USH2A: variants seen among roughly 807,000 people sequenced by gnomAD.
USH2A encodes the protein Usher syndrome 2A (autosomal recessive, mild).
In USH2A, 443 loss-of-function variants were observed where a neutral mutation model predicts 538.9. The observed-to-expected ratio is 0.82, with a 90% confidence interval of 0.76 to 0.89. The LOEUF (loss-of-function observed/expected upper bound fraction) is 0.89, where lower values mean the gene tolerates loss of function less well. Among genes scored for constraint, USH2A ranks in the 40% least tolerant of loss-of-function variants. The pLI is 0.00. For missense variants in USH2A, 6,633 were observed against 6,324.8 expected (o/e 1.05, Z -1.65); for synonymous variants, 2,413 against 2,273.5 (o/e 1.06, Z -1.75).
chr1:216,251,360 A>G (rs1319433296), intron 11 of USH2A, among the ~76,000 whole-genome samples: 1 of 152,084 alleles, frequency 6.6e-6, no homozygotes, highest in Non-Finnish European at 1.5e-5. Flanking sequence ...AATGCTATAT[A>G]AAGAAATAAA....
In USH2A at chr1:216,089,089, A is replaced by G. The variant is rs762288630; in HGVS notation, c.4809T>C (p.Ser1603=). Residue 1603 remains serine, a synonymous_variant, in exon 23 of 72, where the codon AGT becomes AGC. Coordinates refer to ENST00000307340, the MANE Select transcript of USH2A (RefSeq NM_206933.4). ...TTTNDHGKQY[S]DGKWHEIIAI... is the part of the protein sequence containing the mutation. ...CAATTATTTCATGCCATTTTCCATC[A>G]CTATATTGTTTGCCATGATCATTAG... is the stretch of plus-strand genomic sequence containing the variant. 1 of 1,613,418 alleles carries G rather than the reference A, an allele frequency of 6.2e-7. No individual in the cohort carries two copies.
chr1:215,974,046 T>C (rs1294765952), intron 35 of USH2A, among the ~76,000 whole-genome samples: 2 of 151,722 alleles, frequency 1.3e-5, no homozygotes, highest in African/African-American at 4.8e-5. Context: ...GGATGAATTG[T>C]GGAACCACAC....
intron 3 of USH2A, among the ~76,000 whole-genome samples, chr1:216,415,705 T>A (rs965952514): frequency 1.3e-5 from 2 of 151,846 alleles, no homozygotes; most frequent in Admixed American, 1.3e-4. Context: ...AGGGTGTTTT[T>A]TCGTAGAGAT....
At chr1:215,730,220 C>A (rs559277268) in intron 60 of USH2A, among the ~76,000 whole-genome samples, 1 of 152,304 alleles carries the variant, frequency 6.6e-6, no homozygotes, top group South Asian at 2.1e-4. Flanking sequence ...GATGTAAAAA[C>A]ATGATGCAGG....
intron 30 of USH2A, among the ~76,000 whole-genome samples, chr1:216,060,108 C>G (rs1463575809): frequency 6.6e-6 from 1 of 152,174 alleles, no homozygotes; most frequent in Non-Finnish European, 1.5e-5. Flanking sequence ...GCAAGCCTAG[C>G]AGGTGAAAGT....
chr1:215,658,915 A>G (rs566659572), intron 64 of USH2A, among the ~76,000 whole-genome samples: 1 of 152,344 alleles, frequency 6.6e-6, no homozygotes, highest in Non-Finnish European at 1.5e-5. Flanking sequence ...TAAGATCACA[A>G]TCACCAATTG....
chr1:216,197,114 T>C (rs982694491), intron 18 of USH2A, among the ~76,000 whole-genome samples: 4 of 152,170 alleles, frequency 2.6e-5, no homozygotes, highest in African/African-American at 9.7e-5. Context: ...ATTTCCCATG[T>C]AGGGAAATAT....
At chr1:216,409,341 C>T (rs190496037) in intron 3 of USH2A, among the ~76,000 whole-genome samples, 5 of 152,176 alleles carry the variant, frequency 3.3e-5, no homozygotes, top group South Asian at 4.2e-4. Context: ...CTATTTCTAT[C>T]AAACAAACAA....
At chr1:216,263,397 G>A (rs2036413002) in intron 11 of USH2A, among the ~76,000 whole-genome samples, 1 of 151,960 alleles carries the variant, frequency 6.6e-6, no homozygotes, top group South Asian at 2.1e-4. Context: ...GAATCCAACA[G>A]CACATCAAAA....
rs113840311 is a variant in USH2A, at chr1:216,067,414, AT to A, written c.6049+2686del. Among the ~76,000 whole-genome samples, 128 of 151,942 alleles carry A rather than the reference AT, an allele frequency of 8.4e-4. 1 individual carries two copies. Among genetic ancestry groups the A allele is most frequent in the African/African-American group, 2.9e-3 (122 of 41,408 alleles). ...CATGTATCCCAGAACTTAAAGTATA[AT>A]TAAAAAAAAAAGAAAGAAAGTTTTT... On this transcript the variant is annotated intron_variant, in intron 30 of 71. Coordinates refer to ENST00000307340, the MANE Select transcript of USH2A (RefSeq NM_206933.4).
intron 35 of USH2A, among the ~76,000 whole-genome samples, chr1:215,982,393 C>G (rs1482027784): frequency 6.6e-6 from 1 of 152,168 alleles, no homozygotes; most frequent in Non-Finnish European, 1.5e-5. Flanking sequence ...TAGACTATCT[C>G]CTCCAATTCT....
chr1:216,111,137 A>T (rs440921), intron 21 of USH2A, among the ~76,000 whole-genome samples: 144,238 of 152,252 alleles, frequency 0.95, 68,404 homozygotes, highest in African/African-American at 0.99. Context: ...GGCAAGGTAA[A>T]CACTTGAATC....
chr1:215,949,132 G>A (rs1397402502), intron 37 of USH2A, among the ~76,000 whole-genome samples: 2 of 152,032 alleles, frequency 1.3e-5, no homozygotes, highest in African/African-American at 2.4e-5. Context: ...AATAAAAATG[G>A]CATGTTTTAA....
chr1:216,077,707 G>A (rs1024364620), intron 27 of USH2A, among the ~76,000 whole-genome samples: 4 of 146,152 alleles, frequency 2.7e-5, no homozygotes, highest in African/African-American at 7.4e-5. Context: ...TCTTTGGGAA[G>A]CACCTCAGTT....
At position 215,836,482 on chromosome 1, in the gene USH2A, TATATA is replaced by T. The variant is rs1558119843; in HGVS notation, c.9371+1504_9371+1508del. The stretch of plus-strand genomic sequence containing the variant: ...ATATATATTATATATATATATATAA[TATATA>T]TTATATATATAATATATATTATATA... On this transcript the variant is annotated intron_variant, in intron 47 of 71. Transcript: ENST00000307340. Among the ~76,000 whole-genome samples the T allele has an allele frequency of 2.4e-3, 7 of 2,904 alleles. 1 individual carries two copies. Among genetic ancestry groups the T allele is most frequent in the Admixed American group, 9.8e-3 (1 of 102 alleles). The allele number at this position is 2,904 out of a possible 152,430, so 1.9% of individuals were successfully genotyped here.
chr1:216,078,815 A>T (rs548958546), intron 26 of USH2A, among the ~76,000 whole-genome samples: 1 of 152,242 alleles, frequency 6.6e-6, no homozygotes, highest in South Asian at 2.1e-4. Context: ...ATGAAATGTC[A>T]AGCTTGATTA....
chr1:215,879,831 GT>G (rs1326660285), intron 41 of USH2A, among the ~76,000 whole-genome samples: 2 of 152,154 alleles, frequency 1.3e-5, no homozygotes, highest in Admixed American at 6.5e-5. Context: ...GAGCATAGTG[GT>G]AACACACTCA....
chr1:216,090,657 C>A (rs568388194), intron 22 of USH2A, among the ~76,000 whole-genome samples: 1 of 152,124 alleles, frequency 6.6e-6, no homozygotes, highest in South Asian at 2.1e-4. Context: ...ATTTTACAAA[C>A]ACACATTTCA....
intron 11 of USH2A, among the ~76,000 whole-genome samples, chr1:216,251,676 G>A (rs377262731): frequency 6.6e-6 from 1 of 151,896 alleles, no homozygotes; most frequent in Admixed American, 6.6e-5. Context: ...TCTTGACCTC[G>A]TGATCCGCCC....
Sources: allele counts gnomAD v4.1 joint callset (sites outside exome capture counted in the v4.1 genomes callset), GRCh38; gene constraint gnomAD v4.1.1; transcripts MANE v1.5; gene names NCBI Gene and HGNC (gene_info 2026-07-23, HGNC 2026-07-21).